The following TET1 variants were observed in gnomAD, a reference collection of about 807,000 sequenced individuals.
TET1 encodes the protein methylcytosine dioxygenase TET1.
In TET1, 13 loss-of-function variants were observed where a neutral mutation model predicts 148.7. The ratio of observed to expected loss-of-function variants is 0.09; its 90% CI spans 0.06 to 0.14. TET1 has a LOEUF of 0.14. TET1 is among the 10% of genes least tolerant of loss of function. TET1 has a pLI of 1.00. For synonymous variants in TET1, 907 were observed against 937.2 expected, an observed-to-expected ratio of 0.97 and a Z score of 0.59; for missense variants, 2,182 against 2,553.8, an observed-to-expected ratio of 0.85 and a Z score of 3.14.
At chr10:68,589,448 A>ATG (rs1180533114) in intron 2 of TET1, among the ~76,000 whole-genome samples, 3 of 152,068 alleles carry the variant, frequency 2.0e-5, no homozygotes, top group African/African-American at 7.2e-5. Context: ...ATATATCTAT[A>ATG]TGTGTGTATA....
intron 5 of TET1, 67 bp downstream of exon 5, chr10:68,652,003 T>C (rs2054942518): frequency 3.6e-6 from 5 of 1,407,032 alleles, no homozygotes; most frequent in Non-Finnish European, 5.0e-6. Context: ...AGATAAATCA[T>C]CTCTAAGAAC....
chr10:68,597,030 A>ATTTTTTTTTTTTTTTTTTTTTTTTTTT lies in TET1; in HGVS notation c.1915-3930_1915-3929insTTTTTTTTTTTTTTTTTTTTTTTTTTT, dbSNP rs553591899. On this transcript the variant is annotated intron_variant, in intron 2 of 11. Coordinates refer to ENST00000373644, the MANE Select transcript of TET1 (RefSeq NM_030625.3). Reference sequence around the variant, plus strand: ...ATTTTCATGATCACACAGCTAATGGATTTTTTTTTTTTTTTTTTTTTGAGA... The same window carrying ATTTTTTTTTTTTTTTTTTTTTTTTTTT: ...ATTTTCATGATCACACAGCTAATGGATTTTTTTTTTTTTTTTTTTTTTTTTTTTTTTTTTTTTTTTTTTTTTTTGAGA... 2.8e-4 allele frequency among the ~76,000 whole-genome samples: 28 copies of ATTTTTTTTTTTTTTTTTTTTTTTTTTT among 98,882 alleles called. 4 individuals are homozygous for ATTTTTTTTTTTTTTTTTTTTTTTTTTT. Among genetic ancestry groups the ATTTTTTTTTTTTTTTTTTTTTTTTTTT allele is most frequent in the South Asian group, 7.4e-4 (2 of 2,694 alleles). 64.9% of individuals were successfully genotyped at this position (98,882 alleles called of 152,430 possible). A position where few individuals can be genotyped will look rare whatever the true frequency, so the allele number is the denominator to read the frequency against.
At chr10:68,597,462 T>C (rs2054002127) in intron 2 of TET1, among the ~76,000 whole-genome samples, 1 of 152,210 alleles carries the variant, frequency 6.6e-6, no homozygotes, top group Admixed American at 6.5e-5. Context: ...AGAGGCATAA[T>C]GTGTAACTGA....
At chr10:68,629,344 G>A (rs1026869674) in intron 3 of TET1, among the ~76,000 whole-genome samples, 1 of 151,736 alleles carries the variant, frequency 6.6e-6, no homozygotes, top group Non-Finnish European at 1.5e-5. Flanking sequence ...CAGCCTGGGC[G>A]ACAGAGAAAG....
intron 3 of TET1, among the ~76,000 whole-genome samples, chr10:68,627,162 C>T (rs990183533): frequency 1.3e-5 from 2 of 151,990 alleles, no homozygotes; most frequent in Non-Finnish European, 2.9e-5. Context: ...AATCCCAGCA[C>T]TTTGGGAGGC....
chr10:68,686,952 A>G lies in TET1; in HGVS notation c.5404+245A>G, dbSNP rs1042264938. On this transcript the variant is annotated intron_variant, in intron 11 of 11. Coordinates refer to ENST00000373644, the MANE Select transcript of TET1 (RefSeq NM_030625.3). ...ACCCAGGCTGGAGTGCAGTGGCGCA[A>G]TCTTGGCTCACTGCAAGCTCTGCCT... Among the ~76,000 whole-genome samples the G allele has an allele frequency of 1.8e-4, 28 of 151,354 alleles. 1 individual carries two copies. The highest frequency in any genetic ancestry group is 1.6e-4 in the Non-Finnish European group (11 of 67,888).
At chr10:68,655,749 C>T (rs148357053) in intron 6 of TET1, among the ~76,000 whole-genome samples, 3 of 152,150 alleles carry the variant, frequency 2.0e-5, no homozygotes, top group South Asian at 4.1e-4. Context: ...TTTTCCCTAG[C>T]GAAATTTTAT....
At position 68,674,873 on chromosome 10, in the gene TET1, A is replaced by C. The variant is rs866183749; in HGVS notation, c.4824+1828A>C. 7 of 413,590 alleles carry C rather than the reference A, an allele frequency of 1.7e-5. No homozygotes were observed. In the Middle Eastern group the frequency reaches 2.1e-3, roughly 125 times the overall value. The allele number at this position is 413,590 out of a possible 1,614,324, so 25.6% of individuals were successfully genotyped here. On this transcript the variant is annotated intron_variant, in intron 8 of 11. Transcript: ENST00000373644. ...AAATTACTTGAAAGAAGTGGTCAAT[A>C]AATTGATTCCAGACAGGATTGGAAA...
At chr10:68,641,505 T>A (rs1488130764) in intron 3 of TET1, among the ~76,000 whole-genome samples, 1 of 150,626 alleles carries the variant, frequency 6.6e-6, no homozygotes, top group East Asian at 1.9e-4. Context: ...TATTTAATTT[T>A]ATTTTATTTG....
intron 8 of TET1, chr10:68,674,875 A>T: frequency 2.4e-6 from 1 of 412,022 alleles, no homozygotes; most frequent in Non-Finnish European, 4.6e-6. Context: ...TGGTCAATAA[A>T]TTGATTCCAG....
chr10:68,565,498 A>ATATC (rs2133665167), intron 1 of TET1, among the ~76,000 whole-genome samples: 1 of 98,870 alleles, frequency 1.0e-5, no homozygotes, highest in Non-Finnish European at 2.3e-5. Flanking sequence ...ATATATATAT[A>ATATC]TGCACACAGA....
chr10:68,685,700 G>A (rs2055499332), intron 10 of TET1, among the ~76,000 whole-genome samples: 1 of 151,848 alleles, frequency 6.6e-6, no homozygotes. Context: ...TAAGGAGGAG[G>A]GCTAAAATAG....
chr10:68,584,603 G>A (rs2053839564), intron 2 of TET1, among the ~76,000 whole-genome samples: 1 of 150,258 alleles, frequency 6.7e-6, no homozygotes, highest in Admixed American at 6.6e-5. Context: ...CAGCTATGAG[G>A]GAGGCTGAGG....
At chr10:68,562,723 G>A (rs2053567151) in intron 1 of TET1, among the ~76,000 whole-genome samples, 1 of 151,992 alleles carries the variant, frequency 6.6e-6, no homozygotes, top group Admixed American at 6.6e-5. Flanking sequence ...ATGGGTGGGA[G>A]GGTTGGGTCT....
At chr10:68,605,560 C>T (rs2054112563) in intron 3 of TET1, among the ~76,000 whole-genome samples, 1 of 152,218 alleles carries the variant, frequency 6.6e-6, no homozygotes, top group African/African-American at 2.4e-5. Flanking sequence ...GTCACTAAGG[C>T]TGGAGTGCAG....
At chr10:68,576,338 G>T (rs1037609078) in intron 2 of TET1, among the ~76,000 whole-genome samples, 3 of 139,930 alleles carry the variant, frequency 2.1e-5, no homozygotes, top group African/African-American at 2.6e-5. Context: ...GCAACAGAGA[G>T]ACCCTGTCTC....
chr10:68,661,839 C>A (rs529627597), intron 6 of TET1, among the ~76,000 whole-genome samples: 26 of 128,802 alleles, frequency 2.0e-4, no homozygotes, highest in East Asian at 9.0e-4. Context: ...ACACAAAAAA[C>A]CAAGTATTGT....
Position 68,686,569 on chromosome 10 carries a change from A to G in TET1, c.5266A>G (p.Lys1756Glu). 6.2e-7 allele frequency: 1 copy of G among 1,614,182 alleles called. No homozygotes were observed. The highest frequency in any genetic ancestry group is 8.5e-7 in the Non-Finnish European group (1 of 1,180,040). ...CACTCAGCCTGTTCCCCGTTCTGGAAAGAAGAGGGCTGCGATGATGACAGA... is the reference window on the plus strand; with the variant it reads ...CACTCAGCCTGTTCCCCGTTCTGGAGAGAAGAGGGCTGCGATGATGACAGA... The part of the protein sequence containing the change: ...CFTQPVPRSG[K>E]KRAAMMTEVL... The change falls in exon 11 of 12, where the codon AAG becomes GAG. Residue 1756 changes from lysine (K) to glutamate (E), a missense_variant. Lys to Glu is a moderately conservative substitution (Grantham distance 56, BLOSUM62 1). Around this residue, in one of 11 missense-constraint regions of TET1, gnomAD observed 380 missense variants for 387.9 expected, o/e 0.98. Coordinates refer to ENST00000373644, the MANE Select transcript of TET1 (RefSeq NM_030625.3).
chr10:68,665,312 C>T (rs73262425), intron 6 of TET1, among the ~76,000 whole-genome samples: 1,539 of 152,080 alleles, frequency 0.01, 28 homozygotes, highest in African/African-American at 0.035. Context: ...ACACACGAAC[C>T]TCTGATAGGG....
Sources: allele counts gnomAD v4.1 joint callset (sites outside exome capture counted in the v4.1 genomes callset), GRCh38; gene constraint gnomAD v4.1.1; regional missense constraint gnomAD v4.1.1; transcripts MANE v1.5; gene names NCBI Gene and HGNC (gene_info 2026-07-23, HGNC 2026-07-21).